FILIP1L: variants seen among roughly 807,000 people sequenced by gnomAD.
The protein encoded by FILIP1L is filamin A-interacting protein 1-like.
In FILIP1L, 55 loss-of-function variants were observed where a neutral mutation model predicts 96.6. The ratio of observed to expected loss-of-function variants is 0.57; its 90% CI spans 0.46 to 0.71. FILIP1L has a LOEUF of 0.71. Ranked by LOEUF, FILIP1L falls within the 30% of genes least tolerant of loss-of-function variation. The pLI is 0.00. For missense variants in FILIP1L, 1,304 were observed against 1,321.2 expected, an observed-to-expected ratio of 0.99 and a Z score of 0.20; for synonymous variants, 467 against 473.9, an observed-to-expected ratio of 0.99 and a Z score of 0.19.
At chr3:100,044,745 A>T (rs2065253612) in intron 1 of FILIP1L, among the ~76,000 whole-genome samples, 2 of 152,218 alleles carry the variant, frequency 1.3e-5, no homozygotes, top group South Asian at 2.1e-4. Flanking sequence ...ATTGTACCTC[A>T]TCACACAGTA....
chr3:99,880,320 T>A (rs566733707), intron 4 of FILIP1L, among the ~76,000 whole-genome samples: 1 of 152,322 alleles, frequency 6.6e-6, no homozygotes, highest in African/African-American at 2.4e-5. Context: ...ATCTCCGCAC[T>A]TAAACTGTAC....
chr3:99,985,658 G>A (rs1423180085), intron 1 of FILIP1L, among the ~76,000 whole-genome samples: 8 of 151,298 alleles, frequency 5.3e-5, no homozygotes, highest in African/African-American at 1.9e-4. Flanking sequence ...GCATGATCTC[G>A]GCTCACTGCA....
intron 4 of FILIP1L, among the ~76,000 whole-genome samples, chr3:99,901,607 C>T (rs1706439648): frequency 6.6e-6 from 1 of 152,212 alleles, no homozygotes; most frequent in Non-Finnish European, 1.5e-5. Context: ...ACATAGTTTA[C>T]ACTGCTTAAA....
intron 1 of FILIP1L, among the ~76,000 whole-genome samples, chr3:100,009,734 A>C (rs1281289162): frequency 6.6e-6 from 1 of 152,226 alleles, no homozygotes; most frequent in East Asian, 1.9e-4. Flanking sequence ...ATAGGAGGCA[A>C]AGATATTTGA....
At chr3:100,008,657 CTA>C (rs1710057043) in intron 1 of FILIP1L, among the ~76,000 whole-genome samples, 1 of 152,182 alleles carries the variant, frequency 6.6e-6, no homozygotes, top group African/African-American at 2.4e-5. Flanking sequence ...AATTATAAGT[CTA>C]TTGCACAGCA....
chr3:100,058,363 T>G (rs1307371403), intron 1 of FILIP1L, among the ~76,000 whole-genome samples: 1 of 152,222 alleles, frequency 6.6e-6, no homozygotes, highest in Non-Finnish European at 1.5e-5. Flanking sequence ...ACGGGTATGA[T>G]TTTCCATTGT....
rs532181023 is a variant in FILIP1L, at chr3:99,914,134, C to T, written c.605+10096G>A. On this transcript the variant is annotated intron_variant, in intron 4 of 5. Coordinates refer to ENST00000477258, the MANE Select transcript of FILIP1L (RefSeq NM_001387850.1). ...TTCAACAAATCAGACTTTTCAGGAC[C>T]ATGTAGGGCCAGTACTGAGTGTTGT... Among the ~76,000 whole-genome samples, 35 of 152,270 alleles carry T rather than the reference C, an allele frequency of 2.3e-4. 1 individual carries two copies. In the South Asian group the frequency reaches 7.2e-3, roughly 32 times the overall value.
chr3:100,039,904 C>T lies in FILIP1L; in HGVS notation c.-11+74149G>A, dbSNP rs2065175276. 2.0e-5 allele frequency: 3 copies of T among 152,190 alleles called. No homozygotes were observed. In the South Asian group the frequency reaches 6.2e-4, roughly 31 times the overall value. The allele number at this position is 152,190 out of a possible 1,614,324, so 9.4% of individuals were successfully genotyped here. A position where few individuals can be genotyped will look rare whatever the true frequency, so the allele number is the denominator to read the frequency against. On this transcript the variant is annotated intron_variant, in intron 1 of 5. Coordinates refer to ENST00000477258, the MANE Select transcript of FILIP1L (RefSeq NM_001387850.1). Reference sequence around the variant, plus strand: ...GAGTAGCTGGGACTACAGACGCCCGCCACCATGCCCGGCTAATTTTTTGTA... The same window carrying T: ...GAGTAGCTGGGACTACAGACGCCCGTCACCATGCCCGGCTAATTTTTTGTA...
At chr3:99,859,670 G>T (rs541990473) in intron 4 of FILIP1L, among the ~76,000 whole-genome samples, 25 of 152,168 alleles carry the variant, frequency 1.6e-4, no homozygotes, top group African/African-American at 5.5e-4. Context: ...TAACTGTGTT[G>T]CGTTGATAGT....
intron 4 of FILIP1L, among the ~76,000 whole-genome samples, chr3:99,889,546 CT>C (rs2107612664): frequency 6.6e-6 from 1 of 152,066 alleles, no homozygotes; most frequent in East Asian, 1.9e-4. Context: ...CAATTTTTAT[CT>C]TTTAGCAGGA....
At chr3:99,950,867 GAGAA>G (rs1364822402) in intron 1 of FILIP1L, among the ~76,000 whole-genome samples, 1 of 152,198 alleles carries the variant, frequency 6.6e-6, no homozygotes, top group Non-Finnish European at 1.5e-5. Context: ...GAGAGAGAGA[GAGAA>G]AGAAAGAGAG....
intron 1 of FILIP1L, among the ~76,000 whole-genome samples, chr3:100,099,549 A>G (rs1409856213): frequency 6.6e-6 from 1 of 152,188 alleles, no homozygotes; most frequent in East Asian, 1.9e-4. Context: ...ATCCTTAACT[A>G]AGTCATTTAA....
chr3:99,973,693 G>GA (rs1559709786), intron 1 of FILIP1L, among the ~76,000 whole-genome samples: 1 of 152,144 alleles, frequency 6.6e-6, no homozygotes, highest in Non-Finnish European at 1.5e-5. Flanking sequence ...CAAACTTGAT[G>GA]AAAAATAAAT....
chr3:99,850,543 C>T lies in FILIP1L; in HGVS notation c.1133G>A (p.Arg378His), dbSNP rs750287688. The T allele has an allele frequency of 2.7e-5, 44 of 1,613,562 alleles. No homozygotes were observed. Among genetic ancestry groups the T allele is most frequent in the South Asian group, 5.5e-5 (5 of 91,014 alleles). ...IMAEVEELRK[R>H]VLDMEGKDEE... ...ATCTTTCCCTTCCATATCTAGCACA[C>T]GTTTCCTGAGCTCTTCCACTTCAGC... The change falls in exon 5 of 6, where the codon CGT becomes CAT. Residue 378 changes from arginine to histidine, a missense_variant. Transcript: ENST00000477258.
chr3:99,941,924 T>A (rs1467630995), intron 1 of FILIP1L, among the ~76,000 whole-genome samples: 1 of 152,212 alleles, frequency 6.6e-6, no homozygotes, highest in Admixed American at 6.5e-5. Context: ...CTGGTTTGAT[T>A]ATCCATGAGG....
chr3:99,921,596 G>T (rs1030214037), intron 4 of FILIP1L, among the ~76,000 whole-genome samples: 2 of 152,106 alleles, frequency 1.3e-5, no homozygotes, highest in Non-Finnish European at 2.9e-5. Context: ...AGAAATAGAT[G>T]AATATTCTCA....
intron 1 of FILIP1L, among the ~76,000 whole-genome samples, chr3:100,042,777 A>G (rs1275297507): frequency 1.3e-5 from 2 of 152,206 alleles, no homozygotes; most frequent in East Asian, 1.9e-4. Flanking sequence ...AGGGACAACA[A>G]CATGAGAAAT....
chr3:99,859,241 T>C (rs1332725009), intron 4 of FILIP1L, among the ~76,000 whole-genome samples: 3 of 152,250 alleles, frequency 2.0e-5, no homozygotes, highest in Non-Finnish European at 4.4e-5. Context: ...ACAGCTACTA[T>C]GTGCAAGGCA....
intron 1 of FILIP1L, among the ~76,000 whole-genome samples, chr3:100,077,335 C>T (rs1352985887): frequency 1.3e-5 from 2 of 152,222 alleles, no homozygotes; most frequent in Admixed American, 1.3e-4. Context: ...TCATTTCTTT[C>T]TCTTACAATC....
Sources: gnomAD v4.1 joint callset for allele counts (sites outside exome capture counted in the v4.1 genomes callset) on GRCh38, gnomAD v4.1.1 for gene constraint, MANE v1.5 for transcripts, NCBI Gene and HGNC (gene_info 2026-07-23, HGNC 2026-07-21) for gene names.